BAZ2B: variants seen among roughly 807,000 people sequenced by gnomAD.
BAZ2B encodes bromodomain adjacent to zinc finger domain 2B, also known as bromodomain adjacent to zinc finger domain protein 2B.
BAZ2B carries 91 observed loss-of-function variants against 246.0 expected under a neutral mutation model. The ratio of observed to expected loss-of-function variants is 0.37; its 90% CI spans 0.31 to 0.44. The LOEUF (loss-of-function observed/expected upper bound fraction) is 0.44. BAZ2B is among the 20% of genes least tolerant of loss of function. The pLI is 1.00. For synonymous variants in BAZ2B, 855 were observed against 860.0 expected, an observed-to-expected ratio of 0.99 and a Z score of 0.10; for missense variants, 2,332 against 2,533.7, an observed-to-expected ratio of 0.92 and a Z score of 1.71.
At chr2:159,491,677 C>T (rs1393892970) in intron 2 of BAZ2B, among the ~76,000 whole-genome samples, 12 of 133,754 alleles carry the variant, frequency 9.0e-5, no homozygotes, top group African/African-American at 2.9e-4. Flanking sequence ...GCCGAGATCC[C>T]GCCACTGCAC....
chr2:159,657,701 C>A, the BAZ2B span, among the ~76,000 whole-genome samples: 1 of 152,168 alleles, frequency 6.6e-6, no homozygotes. Context: ...TATCTAAGTA[C>A]TTCTAGGGTT....
In BAZ2B at chr2:159,448,377, T is replaced by C. The variant is rs770028580; in HGVS notation, c.367A>G (p.Thr123Ala). 90 of 1,602,632 alleles carry C rather than the reference T, an allele frequency of 5.6e-5. No individual in the cohort carries two copies. The highest frequency in any genetic ancestry group is 7.2e-5 in the Non-Finnish European group (85 of 1,177,148). The change falls in exon 5 of 37, where the codon ACT becomes GCT. Residue 123 changes from threonine (T) to alanine (A), a missense_variant. Thr to Ala is a moderately conservative substitution (Grantham distance 58). Around this residue, in one of 9 missense-constraint regions of BAZ2B, gnomAD observed 242 missense variants for 237.4 expected, o/e 1.02. Transcript: ENST00000392783. ...AEWWRTTDAH[T>A]RTGATFFPPL... ...GGAAAGAAGGTTGCTCCTGTACGAGTATGAGCATCAGTTGTTCGCCACCAT... is the reference window on the plus strand; with the variant it reads ...GGAAAGAAGGTTGCTCCTGTACGAGCATGAGCATCAGTTGTTCGCCACCAT...
At chr2:159,405,242 C>T (rs1050685117) in intron 14 of BAZ2B, 128 bp from the exon 15 acceptor site, 21 of 803,800 alleles carry the variant, frequency 2.6e-5, no homozygotes, top group East Asian at 1.1e-4. Flanking sequence ...GATGAAGTCT[C>T]GCTCTGTTGC....
chr2:159,401,105 G>A (rs1271660303), intron 16 of BAZ2B, among the ~76,000 whole-genome samples: 2 of 151,878 alleles, frequency 1.3e-5, no homozygotes, highest in Admixed American at 1.3e-4. Flanking sequence ...ATTATTTAGC[G>A]TAAAACCATA....
At chr2:159,408,241 T>C (rs1338061864) in intron 14 of BAZ2B, among the ~76,000 whole-genome samples, 1 of 152,216 alleles carries the variant, frequency 6.6e-6, no homozygotes, top group African/African-American at 2.4e-5. Context: ...GGTATGATCA[T>C]AGCTTGCTGT....
chr2:159,442,900 C>T (rs977184244), intron 6 of BAZ2B, among the ~76,000 whole-genome samples: 1 of 152,150 alleles, frequency 6.6e-6, no homozygotes, highest in Non-Finnish European at 1.5e-5. Flanking sequence ...TACACATGTG[C>T]CTCCCCATGT....
At position 159,349,859 on chromosome 2, in the gene BAZ2B, G is replaced by A. The variant is rs878946239; in HGVS notation, c.4712C>T (p.Thr1571Ile). ...SLLPRTPCDDTSLTHADMSTA... is the reference protein window; with the variant it reads ...SLLPRTPCDDISLTHADMSTA... ...TGACATATCGGCATGAGTAAGTGAA[G>A]TGTCATCACAGGGTGTTCGTGGCAA... is the stretch of plus-strand genomic sequence containing the variant. The change falls in exon 28 of 37, where the codon ACT (threonine) becomes ATT (isoleucine). Residue 1571 changes from threonine (T) to isoleucine (I), a missense_variant. Around this residue, in one of 9 missense-constraint regions of BAZ2B, gnomAD observed 676 missense variants for 668.6 expected, o/e 1.01. Coordinates refer to ENST00000392783, the MANE Select transcript of BAZ2B (RefSeq NM_013450.4). 1.9e-6 allele frequency: 3 copies of A among 1,614,086 alleles called. No homozygotes were observed. Among genetic ancestry groups the A allele is most frequent in the African/African-American group, 1.3e-5 (1 of 74,930 alleles).
At chr2:159,464,772 ATAAT>A (rs1176846239) in intron 3 of BAZ2B, 4 of 152,226 alleles carry the variant, frequency 2.6e-5, no homozygotes, top group African/African-American at 7.2e-5. Flanking sequence ...TCTAATGAAA[ATAAT>A]TAGAGTTCAT....
At chr2:159,519,309 A>C (rs1414655648) in intron 2 of BAZ2B, among the ~76,000 whole-genome samples, 1 of 129,844 alleles carries the variant, frequency 7.7e-6, no homozygotes, top group Non-Finnish European at 1.5e-5. Context: ...GGCTCACTGC[A>C]AGCTCCGCTT....
At chr2:159,702,837 G>A in the BAZ2B span, among the ~76,000 whole-genome samples, 1 of 151,968 alleles carries the variant, frequency 6.6e-6, no homozygotes, top group African/African-American at 2.4e-5. Flanking sequence ...TCAGGAGATC[G>A]AGACCATCCT....
At chr2:159,409,071 A>C (rs1373371212) in intron 14 of BAZ2B, among the ~76,000 whole-genome samples, 1 of 151,846 alleles carries the variant, frequency 6.6e-6, no homozygotes, top group African/African-American at 2.4e-5. Flanking sequence ...TGGTGAATAT[A>C]TTATAATTAC....
intron 1 of BAZ2B, among the ~76,000 whole-genome samples, chr2:159,579,715 C>A (rs550130481): frequency 1.3e-5 from 2 of 152,150 alleles, no homozygotes; most frequent in East Asian, 3.9e-4. Context: ...AAAAGCTTAT[C>A]CAACACGATC....
At chr2:159,614,878 C>T (rs1559910357) in intron 1 of BAZ2B, among the ~76,000 whole-genome samples, 1 of 152,142 alleles carries the variant, frequency 6.6e-6, no homozygotes, top group Non-Finnish European at 1.5e-5. Flanking sequence ...GTTTACATGA[C>T]GTCACTGGGC....
chr2:159,429,667 G>C (rs1243207022), intron 10 of BAZ2B, among the ~76,000 whole-genome samples: 1 of 152,062 alleles, frequency 6.6e-6, no homozygotes, highest in Non-Finnish European at 1.5e-5. Context: ...ATTTAAAGAC[G>C]ATTTAATTTC....
the BAZ2B span, among the ~76,000 whole-genome samples, chr2:159,677,941 AAAATAAATAC>A: frequency 4.9e-4 from 74 of 152,340 alleles, no homozygotes; most frequent in Admixed American, 4.4e-3. Context: ...TAGTATTCAA[AAAATAAATAC>A]TTAAAGATGA....
At chr2:159,684,639 AAC>A in the BAZ2B span, among the ~76,000 whole-genome samples, 1 of 152,172 alleles carries the variant, frequency 6.6e-6, no homozygotes, top group East Asian at 1.9e-4. Flanking sequence ...GTAGCTGGGA[AAC>A]AGGGATCAGA....
chr2:159,379,621 AAG>A (rs2061771404), intron 25 of BAZ2B, among the ~76,000 whole-genome samples: 2 of 152,320 alleles, frequency 1.3e-5, no homozygotes, highest in South Asian at 2.1e-4. Context: ...TTACTTAAGA[AAG>A]AGAATTATGT....
intron 3 of BAZ2B, among the ~76,000 whole-genome samples, chr2:159,473,047 T>A (rs1462583364): frequency 6.6e-6 from 1 of 152,212 alleles, no homozygotes; most frequent in South Asian, 2.1e-4. Flanking sequence ...TTGGAATAGT[T>A]TCAGAAGGAA....
At chr2:159,494,617 C>T (rs1577740851) in intron 2 of BAZ2B, among the ~76,000 whole-genome samples, 1 of 152,272 alleles carries the variant, frequency 6.6e-6, no homozygotes, top group African/African-American at 2.4e-5. Context: ...ACCTTCCAGT[C>T]TATGACAAAG....
Sources: allele counts gnomAD v4.1 joint callset (sites outside exome capture counted in the v4.1 genomes callset), GRCh38; gene constraint gnomAD v4.1.1; regional missense constraint gnomAD v4.1.1; transcripts MANE v1.5; gene names NCBI Gene and HGNC (gene_info 2026-07-23, HGNC 2026-07-21).